GTF2IRD1: variants seen among roughly 807,000 people sequenced by gnomAD.
GTF2IRD1 encodes the protein GTF2I repeat domain containing 1.
GTF2IRD1 carries 26 observed loss-of-function variants against 113.2 expected under a neutral mutation model. The observed-to-expected ratio is 0.23, with a 90% CI of 0.17 to 0.32. The LOEUF (loss-of-function observed/expected upper bound fraction) is 0.32, where lower values mean the gene tolerates loss of function less well. Among genes scored for constraint, GTF2IRD1 ranks in the 10% least tolerant of loss-of-function variants. The probability of loss-of-function intolerance (pLI) is 1.00; values close to 1 mark genes in which losing one functional copy is unlikely to be tolerated. For synonymous variants in GTF2IRD1, 484 were observed against 529.1 expected (o/e 0.91, Z 1.17); for missense variants, 864 against 1,280.8 (o/e 0.67, Z 4.97).
chr7:74,496,517 G>A (rs1212703937), intron 1 of GTF2IRD1, among the ~76,000 whole-genome samples: 7 of 145,772 alleles, frequency 4.8e-5, no homozygotes, highest in Non-Finnish European at 6.0e-5. Flanking sequence ...GTGGGTGTGC[G>A]TGTGTGGGTG....
intron 25 of GTF2IRD1, among the ~76,000 whole-genome samples, chr7:74,598,277 T>C (rs1207794692): frequency 1.3e-5 from 2 of 151,660 alleles, no homozygotes; most frequent in African/African-American, 4.8e-5. Context: ...CACACGGATC[T>C]GGAGGCGATT....
At chr7:74,593,759 C>A (rs1802223743) in intron 24 of GTF2IRD1, among the ~76,000 whole-genome samples, 1 of 146,036 alleles carries the variant, frequency 6.8e-6, no homozygotes, top group African/African-American at 2.5e-5. Context: ...AAAAAATTAG[C>A]TAAGTGTGGT....
At chr7:74,574,799 A>G (rs1442722568) in intron 22 of GTF2IRD1, among the ~76,000 whole-genome samples, 2 of 151,890 alleles carry the variant, frequency 1.3e-5, no homozygotes, top group Admixed American at 6.6e-5. Context: ...AAAAAAAAAA[A>G]AAAACCCGGC....
chr7:74,514,912 C>G (rs1257975193), intron 3 of GTF2IRD1, among the ~76,000 whole-genome samples: 1 of 151,852 alleles, frequency 6.6e-6, no homozygotes, highest in Non-Finnish European at 1.5e-5. Flanking sequence ...CAAAAATTAG[C>G]TGGGTAAGGT....
At chr7:74,578,583 C>T (rs1333543828) in intron 22 of GTF2IRD1, among the ~76,000 whole-genome samples, 1 of 152,136 alleles carries the variant, frequency 6.6e-6, no homozygotes, top group Non-Finnish European at 1.5e-5. Context: ...GCTGTAGCTT[C>T]TTAGTTCTCA....
At chr7:74,457,683 T>C (rs1554327758) in intron 1 of GTF2IRD1, among the ~76,000 whole-genome samples, 1 of 152,050 alleles carries the variant, frequency 6.6e-6, no homozygotes, top group Non-Finnish European at 1.5e-5. Flanking sequence ...CGTTTGTAAG[T>C]ATCTCTCTCT....
At position 74,519,485 on chromosome 7, in the gene GTF2IRD1, C is replaced by T. The variant is rs142609601; in HGVS notation, c.682C>T (p.Arg228Trp). The change falls in exon 6 of 27, where the codon CGG becomes TGG. Residue 228 changes from arginine (R) to tryptophan (W), a missense_variant. Coordinates refer to ENST00000424337, the MANE Select transcript of GTF2IRD1 (RefSeq NM_005685.4). ...TGTCTCCCTGATTCCCAAGGGGTCA[C>T]GGGACTGTGGCCTGCATGGCCAGGC... ...NGVSLIPKGS[R>W]DCGLHGQAPK... 50 of 1,605,356 alleles carry T rather than the reference C, an allele frequency of 3.1e-5. 1 individual carries two copies. Among genetic ancestry groups the T allele is most frequent in the East Asian group, 2.5e-4 (11 of 44,656 alleles).
intron 1 of GTF2IRD1, among the ~76,000 whole-genome samples, chr7:74,475,259 TAAAAA>T (rs1188933389): frequency 2.0e-5 from 3 of 152,018 alleles, no homozygotes; most frequent in Non-Finnish European, 4.4e-5. Context: ...CCCTGTCTCT[TAAAAA>T]AAGAAAGAAA....
At chr7:74,573,626 G>C (rs1441396549) in intron 22 of GTF2IRD1, among the ~76,000 whole-genome samples, 1 of 152,216 alleles carries the variant, frequency 6.6e-6, no homozygotes, top group Non-Finnish European at 1.5e-5. Flanking sequence ...GTGCAGAACA[G>C]AAGCTGATGC....
chr7:74,589,422 G>A (rs1410573606), intron 22 of GTF2IRD1, among the ~76,000 whole-genome samples: 1 of 152,050 alleles, frequency 6.6e-6, no homozygotes, highest in Non-Finnish European at 1.5e-5. Flanking sequence ...CTGCAGCCAG[G>A]CACAGTGGCT....
chr7:74,583,818 C>G (rs587599641), intron 22 of GTF2IRD1, among the ~76,000 whole-genome samples: 6 of 152,250 alleles, frequency 3.9e-5, no homozygotes, highest in Non-Finnish European at 8.8e-5. Flanking sequence ...CACCTGAAAT[C>G]ACAGGATACT....
chr7:74,509,482 G>A (rs147493229), intron 2 of GTF2IRD1, among the ~76,000 whole-genome samples: 1,552 of 152,060 alleles, frequency 0.01, 29 homozygotes, highest in African/African-American at 0.036. Flanking sequence ...GCAGCGAACC[G>A]AGATCGTGCC....
intron 22 of GTF2IRD1, among the ~76,000 whole-genome samples, chr7:74,588,212 G>A (rs1184799024): frequency 1.3e-5 from 2 of 150,188 alleles, no homozygotes; most frequent in African/African-American, 2.5e-5. Flanking sequence ...GGTTCAAGCA[G>A]TTCTCCTGTC....
At chr7:74,487,651 CA>C (rs1161581798) in intron 1 of GTF2IRD1, 2 of 152,028 alleles carry the variant, frequency 1.3e-5, no homozygotes, top group African/African-American at 4.8e-5. Flanking sequence ...ATTTAAAGCC[CA>C]AAACACTGTA....
At chr7:74,536,048 A>G (rs966647897) in intron 10 of GTF2IRD1, 119 bp from the exon 11 acceptor site, 3 of 652,218 alleles carry the variant, frequency 4.6e-6, no homozygotes, top group Admixed American at 2.6e-5. Flanking sequence ...AAGGACAGGC[A>G]GAGGCCAGGC....
chr7:74,577,276 C>T (rs1485641201), intron 22 of GTF2IRD1, among the ~76,000 whole-genome samples: 1 of 152,110 alleles, frequency 6.6e-6, no homozygotes, highest in African/African-American at 2.4e-5. Context: ...TGGCCTCAAG[C>T]GATCCACCCG....
intron 14 of GTF2IRD1, among the ~76,000 whole-genome samples, chr7:74,540,329 A>G (rs587612506): frequency 9.9e-5 from 15 of 152,018 alleles, no homozygotes; most frequent in African/African-American, 2.7e-4. Flanking sequence ...TATTTTTAGT[A>G]GAGGCGGGCT....
chr7:74,494,927 T>A (rs1279681533), intron 1 of GTF2IRD1, among the ~76,000 whole-genome samples: 2 of 152,068 alleles, frequency 1.3e-5, no homozygotes, highest in Admixed American at 1.3e-4. Context: ...AATTTTAAAT[T>A]TTTTTTGTAG....
At chr7:74,497,517 A>C (rs1375892242) in intron 1 of GTF2IRD1, among the ~76,000 whole-genome samples, 1 of 149,866 alleles carries the variant, frequency 6.7e-6, no homozygotes, top group African/African-American at 2.5e-5. Context: ...AGCCTCCCAA[A>C]GTGCTGGGAT....
Sources: gnomAD v4.1 joint callset for allele counts (sites outside exome capture counted in the v4.1 genomes callset) on GRCh38, gnomAD v4.1.1 for gene constraint, MANE v1.5 for transcripts, NCBI Gene and HGNC (gene_info 2026-07-23, HGNC 2026-07-21) for gene names.